Variants in NR3C2 observed in about 807,000 individuals in gnomAD.
NR3C2 encodes the protein nuclear receptor subfamily 3 group C member 2, also known as mineralocorticoid receptor.
Under a neutral mutation model 86.4 loss-of-function variants are expected in NR3C2, and 15 were observed. The observed-to-expected ratio is 0.17, with a 90% CI of 0.12 to 0.27. The LOEUF is 0.27. Among genes scored for constraint, NR3C2 ranks in the 10% least tolerant of loss-of-function variants. The pLI is 1.00. For missense variants in NR3C2, 960 were observed against 1,195.6 expected, an observed-to-expected ratio of 0.80 and a Z score of 2.91; for synonymous variants, 458 against 450.5, an observed-to-expected ratio of 1.02 and a Z score of -0.21.
chr4:148,296,036 G>T, intron 2 of NR3C2, among the ~76,000 whole-genome samples: 1 of 113,938 alleles, frequency 8.8e-6, no homozygotes, highest in Non-Finnish European at 1.7e-5. Context: ...CTTAATATGA[G>T]CTGAGGCCAA....
At chr4:148,217,294 G>A (rs1210882516) in intron 3 of NR3C2, among the ~76,000 whole-genome samples, 1 of 152,186 alleles carries the variant, frequency 6.6e-6, no homozygotes, top group Non-Finnish European at 1.5e-5. Context: ...ACACAGGAAG[G>A]CAATCTGTCC....
At chr4:148,443,199 C>T (rs1174221833), upstream of NR3C2, among the ~76,000 whole-genome samples, 2 of 142,218 alleles carry the variant, frequency 1.4e-5, no homozygotes, top group Non-Finnish European at 3.0e-5. Flanking sequence ...CAGCTTTCCT[C>T]CCATCCCTTA....
chr4:148,144,346 AG>A (rs1267149367), intron 6 of NR3C2, among the ~76,000 whole-genome samples: 2 of 152,110 alleles, frequency 1.3e-5, no homozygotes, highest in Non-Finnish European at 2.9e-5. Flanking sequence ...CTGGGACCAC[AG>A]GTGCACACTA....
intron 3 of NR3C2, 131 bp downstream of exon 3, chr4:148,259,847 A>C (rs1432110155): frequency 4.3e-6 from 5 of 1,168,274 alleles, no homozygotes; most frequent in Non-Finnish European, 6.3e-6. Context: ...AGGCACTATT[A>C]CTGTTTATCA....
At chr4:148,331,574 T>C (rs1744238146) in intron 2 of NR3C2, among the ~76,000 whole-genome samples, 1 of 152,264 alleles carries the variant, frequency 6.6e-6, no homozygotes, top group South Asian at 2.1e-4. Context: ...TTGAACTTTT[T>C]CTTCTACACT....
intron 2 of NR3C2, among the ~76,000 whole-genome samples, chr4:148,329,343 T>C (rs72729914): frequency 0.011 from 1,726 of 152,280 alleles, 13 homozygotes; most frequent in Non-Finnish European, 0.019. Context: ...TGCATATATA[T>C]ACACATATAT....
At chr4:148,183,330 T>C (rs1418704198) in intron 4 of NR3C2, among the ~76,000 whole-genome samples, 1 of 152,244 alleles carries the variant, frequency 6.6e-6, no homozygotes, top group Non-Finnish European at 1.5e-5. Flanking sequence ...CCTTTGAGTA[T>C]ATACCCAGTA....
chr4:148,173,229 T>C (rs544499894), intron 4 of NR3C2, among the ~76,000 whole-genome samples: 5 of 152,274 alleles, frequency 3.3e-5, no homozygotes, highest in African/African-American at 9.6e-5. Flanking sequence ...GTGGGAAGAA[T>C]AACGAAGACT....
chr4:148,116,642 C>T (rs1159796875), intron 7 of NR3C2, among the ~76,000 whole-genome samples: 1 of 151,964 alleles, frequency 6.6e-6, no homozygotes, highest in Non-Finnish European at 1.5e-5. Flanking sequence ...AGCTTACTAA[C>T]GCCTGCAGTT....
At chr4:148,092,231 G>A (rs1476351092) in intron 8 of NR3C2, among the ~76,000 whole-genome samples, 2 of 152,172 alleles carry the variant, frequency 1.3e-5, no homozygotes, top group African/African-American at 4.8e-5. Flanking sequence ...CTCTCACCTC[G>A]CAGATGACAC....
chr4:148,439,668 T>C (rs1020559884), intron 1 of NR3C2, among the ~76,000 whole-genome samples: 5 of 152,184 alleles, frequency 3.3e-5, no homozygotes, highest in African/African-American at 1.2e-4. Flanking sequence ...CTATATAAAT[T>C]TGCATATCAA....
intron 2 of NR3C2, among the ~76,000 whole-genome samples, chr4:148,307,544 G>A (rs1168199827): frequency 6.6e-6 from 1 of 152,198 alleles, no homozygotes; most frequent in Non-Finnish European, 1.5e-5. Context: ...TCTAAATCAT[G>A]AGAACTTGTA....
chr4:148,247,790 T>TG (rs2149856429), intron 3 of NR3C2, among the ~76,000 whole-genome samples: 1 of 152,090 alleles, frequency 6.6e-6, no homozygotes, highest in African/African-American at 2.4e-5. Flanking sequence ...TACTGCTTTA[T>TG]CCCAAATTGG....
intron 6 of NR3C2, among the ~76,000 whole-genome samples, chr4:148,131,443 A>C (rs1411085888): frequency 6.6e-6 from 1 of 152,198 alleles, no homozygotes; most frequent in African/African-American, 2.4e-5. Flanking sequence ...TTTTCTTTCA[A>C]ACCTCAATTA....
At chr4:148,186,947 T>G (rs1243895475) in intron 4 of NR3C2, among the ~76,000 whole-genome samples, 2 of 144,584 alleles carry the variant, frequency 1.4e-5, no homozygotes, top group African/African-American at 5.1e-5. Flanking sequence ...GTTAATTCAT[T>G]CCTTTTTATG....
At chr4:148,285,841 G>A (rs1162630547) in intron 2 of NR3C2, among the ~76,000 whole-genome samples, 1 of 152,190 alleles carries the variant, frequency 6.6e-6, no homozygotes, top group African/African-American at 2.4e-5. Flanking sequence ...CTTAAAAAGT[G>A]CGATGCTTTC....
At chr4:148,254,990 GTAATAT>G (rs1009285949) in intron 3 of NR3C2, among the ~76,000 whole-genome samples, 39 of 152,058 alleles carry the variant, frequency 2.6e-4, no homozygotes, top group Middle Eastern at 6.8e-3. Flanking sequence ...GAATTATTAC[GTAATAT>G]TAATATTAAT....
At chr4:148,215,099 A>C (rs61758912) in intron 3 of NR3C2, among the ~76,000 whole-genome samples, 6 of 152,208 alleles carry the variant, frequency 3.9e-5, no homozygotes, top group Non-Finnish European at 8.8e-5. Context: ...CTTTATGCCT[A>C]AGCATGAAAA....
intron 2 of NR3C2, among the ~76,000 whole-genome samples, chr4:148,412,907 G>A (rs985858524): frequency 6.6e-6 from 1 of 152,112 alleles, no homozygotes; most frequent in Non-Finnish European, 1.5e-5. Context: ...GTGACAAACT[G>A]TTGAGAGTTT....
Sources: allele counts gnomAD v4.1 joint callset (sites outside exome capture counted in the v4.1 genomes callset), GRCh38; gene constraint gnomAD v4.1.1; transcripts MANE v1.5; gene names NCBI Gene and HGNC (gene_info 2026-07-23, HGNC 2026-07-21).